STARD7: variants seen among roughly 807,000 people sequenced by gnomAD.
STARD7 encodes stAR-related lipid transfer protein 7, mitochondrial.
A neutral mutation model predicts 45.3 loss-of-function variants in STARD7; 30 were observed. That is an observed-to-expected ratio of 0.66 (90% CI 0.50 to 0.90). STARD7 has a LOEUF of 0.90. STARD7 is among the 40% of genes least tolerant of loss of function. STARD7 has a pLI of 0.00. For synonymous variants in STARD7, 199 were observed against 183.0 expected (o/e 1.09, Z -0.70); for missense variants, 495 against 491.3 (o/e 1.01, Z -0.07).
chr2:96,197,078 A>ACCT (rs1558735792), intron 1 of STARD7, among the ~76,000 whole-genome samples: 2 of 136,078 alleles, frequency 1.5e-5, no homozygotes, highest in Non-Finnish European at 3.2e-5. Flanking sequence ...AAATAAAATA[A>ACCT]AATAAAATAA....
At chr2:96,195,642 T>A in intron 1 of STARD7, 93 bp from the exon 2 acceptor site, 1 of 873,442 alleles carries the variant, frequency 1.1e-6, no homozygotes, top group Non-Finnish European at 1.8e-6. Context: ...GGTTATACAG[T>A]AAACCACAGT....
At chr2:96,192,999 G>A in intron 5 of STARD7, 79 bp downstream of exon 5, 1 of 1,036,596 alleles carries the variant, frequency 9.6e-7, no homozygotes. Context: ...AGGACACTAA[G>A]AATATACAAA....
chr2:96,203,652 G>T (rs1009459716), intron 1 of STARD7, among the ~76,000 whole-genome samples: 1 of 152,218 alleles, frequency 6.6e-6, no homozygotes, highest in East Asian at 1.9e-4. Context: ...CTACTGATAC[G>T]GGACACACCT....
chr2:96,197,366 T>C (rs1207358050), intron 1 of STARD7, among the ~76,000 whole-genome samples: 2 of 151,870 alleles, frequency 1.3e-5, no homozygotes, highest in South Asian at 2.1e-4. Flanking sequence ...GATCGCACCA[T>C]TGCACTCCAG....
intron 1 of STARD7, among the ~76,000 whole-genome samples, chr2:96,196,980 C>A (rs1018854197): frequency 6.6e-6 from 1 of 151,048 alleles, no homozygotes; most frequent in African/African-American, 2.4e-5. Flanking sequence ...GCAAGAGAAT[C>A]GCTTGAACAC....
In STARD7 at chr2:96,187,255, A is replaced by G. The variant is rs780170884; in HGVS notation, c.890T>C (p.Val297Ala). ...LLTYSDNPQT[V>A]FPRYCVSWMV... ...CCAACTAACACAGTAGCGAGGAAAC[A>G]CCGTTTGGGGATTGTCACTGTATGT... Residue 297 changes from valine (V) to alanine (A), a missense_variant, in exon 7 of 8, where the codon GTG becomes GCG. Transcript: ENST00000337288. 6.2e-7 allele frequency: 1 copy of G among 1,613,918 alleles called. No individual in the cohort carries two copies. The highest frequency in any genetic ancestry group is 1.7e-5 in the Admixed American group (1 of 60,018).
At chr2:96,197,070 A>ACACTACAC (rs1573943516) in intron 1 of STARD7, among the ~76,000 whole-genome samples, 1 of 96,396 alleles carries the variant, frequency 1.0e-5, no homozygotes, top group South Asian at 3.2e-4. Flanking sequence ...CCGTCTCAAA[A>ACACTACAC]TAAAATAAAA....
chr2:96,196,721 A>G (rs1573943235), intron 1 of STARD7, among the ~76,000 whole-genome samples: 1 of 151,998 alleles, frequency 6.6e-6, no homozygotes, highest in East Asian at 2.0e-4. Context: ...TCGGCCTCCC[A>G]AAGTTCTGGG....
Position 96,208,792 on chromosome 2 carries a change from C to T in STARD7, c.-358G>A. 5.0e-6 allele frequency: 2 copies of T among 403,356 alleles called. No homozygotes were observed. The allele number at this position is 403,356 out of a possible 1,614,324, so 25.0% of individuals were successfully genotyped here. Reference sequence around the variant, plus strand: ...AACGAGACAGACAGCTCAGGCCCAGCAGCACGCAAGCTCCCGCGCCTTCCG... The same window carrying T: ...AACGAGACAGACAGCTCAGGCCCAGTAGCACGCAAGCTCCCGCGCCTTCCG... On this transcript the variant is annotated 5_prime_UTR_variant, in exon 1 of 8. Transcript: ENST00000337288.
chr2:96,205,761 C>T lies in STARD7; in HGVS notation c.290+2384G>A, dbSNP rs921733988. Among the ~76,000 whole-genome samples, 8 of 152,186 alleles carry T rather than the reference C, an allele frequency of 5.3e-5. No homozygotes were observed. The South Asian group carries it at 1.5e-3, about 28-fold the overall frequency. Reference sequence around the variant, plus strand: ...CATGACAAGCTATCAAAACAAAGACCTAAGGAACCACTGTGCAACCAAGAT... The same window carrying T: ...CATGACAAGCTATCAAAACAAAGACTTAAGGAACCACTGTGCAACCAAGAT... On this transcript the variant is annotated intron_variant, in intron 1 of 7. Coordinates refer to ENST00000337288, the MANE Select transcript of STARD7 (RefSeq NM_020151.4).
In STARD7 at chr2:96,208,279, G is replaced by C. The variant is rs375475304; in HGVS notation, c.156C>G (p.Ser52Arg). 1 of 1,611,254 alleles carries C rather than the reference G, an allele frequency of 6.2e-7. No individual in the cohort carries two copies. Among genetic ancestry groups the C allele is most frequent in the Non-Finnish European group, 8.5e-7 (1 of 1,179,372 alleles). ...GGCGGCCGAGGAGAACGCGGCGTGA[G>C]CTCTCGGAGTAGAGGCGGCCGTAGA... ...AQLYGRLYSE[S>R]SRRVLLGRLW... is the part of the protein sequence containing the mutation. The change falls in exon 1 of 8, where the codon AGC becomes AGG. Residue 52 changes from serine (S) to arginine (R), a missense_variant. Ser to Arg is a moderately radical substitution (Grantham distance 110). Transcript: ENST00000337288.
chr2:96,190,331 G>A (rs1683105806), intron 6 of STARD7, among the ~76,000 whole-genome samples: 1 of 147,974 alleles, frequency 6.8e-6, no homozygotes, highest in Non-Finnish European at 1.5e-5. Flanking sequence ...ATTTAAGTCT[G>A]TGTCTTTTTT....
rs747311185 is a variant in STARD7 at position 96,193,124 on chromosome 2, G to A, written c.697C>T (p.Arg233Trp). 8 of 1,613,442 alleles carry A rather than the reference G, an allele frequency of 5.0e-6. No homozygotes were observed. Among genetic ancestry groups the A allele is most frequent in the South Asian group, 1.1e-5 (1 of 91,042 alleles). Residue 233 changes from arginine (R) to tryptophan (W), a missense_variant, in exon 5 of 8, where the codon CGG becomes TGG. Arg to Trp is a moderately radical substitution (Grantham distance 101). Around this residue, in one of 2 missense-constraint regions of STARD7, gnomAD observed 213 missense variants for 271.2 expected, o/e 0.79. Coordinates refer to ENST00000337288, the MANE Select transcript of STARD7 (RefSeq NM_020151.4). ...MYSRDYVYVR[R>W]YSVDQENNMM... is the part of the protein sequence containing the mutation. ...TTGTTTTCCTGATCCACACTATACC[G>A]CCGAACATAAACATAATCCCGTGAG... is the stretch of plus-strand genomic sequence containing the variant.
rs932459835 is a variant in STARD7 at position 96,186,749 on chromosome 2, G to C, written c.1094C>G (p.Ala365Gly). ...ERKNEGSCGP[A>G]RIEYA ...AGCCTGTCAAGCATACTCAATCCGA[G>C]CAGGGCCACAGCTGCCCTCGTTCTT... Residue 365 changes from alanine (A) to glycine (G), a missense_variant, in exon 8 of 8, where the codon GCT (alanine) becomes GGT (glycine). Transcript: ENST00000337288. 2 of 1,611,708 alleles carry C rather than the reference G, an allele frequency of 1.2e-6. No homozygotes were observed. Among genetic ancestry groups the C allele is most frequent in the Non-Finnish European group, 1.7e-6 (2 of 1,179,108 alleles).
intron 6 of STARD7, among the ~76,000 whole-genome samples, chr2:96,189,795 G>T (rs1683098283): frequency 6.6e-6 from 1 of 151,786 alleles, no homozygotes; most frequent in African/African-American, 2.4e-5. Context: ...TCGTATTATT[G>T]GTGATCTTAC....
Position 96,208,569 on chromosome 2 carries a change from C to G in STARD7, c.-135G>C, listed in dbSNP as rs7559215. On this transcript the variant is annotated 5_prime_UTR_variant, in exon 1 of 8. Coordinates refer to ENST00000337288, the MANE Select transcript of STARD7 (RefSeq NM_020151.4). Reference sequence around the variant, plus strand: ...TCACGGTCCCGCGGCCAGGAGCCGCCGCTCATCTGTCTCTGCAGCCACCGC... The same window carrying G: ...TCACGGTCCCGCGGCCAGGAGCCGCGGCTCATCTGTCTCTGCAGCCACCGC... 0.12 allele frequency: 87,421 copies of G among 723,912 alleles called. 6,982 individuals are homozygous for G. Among genetic ancestry groups the G allele is most frequent in the Non-Finnish European group, 0.14 (69,226 of 491,926 alleles). The allele number at this position is 723,912 out of a possible 1,614,324, so 44.8% of individuals were successfully genotyped here.
chr2:96,198,645 A>C (rs1683259966), intron 1 of STARD7, among the ~76,000 whole-genome samples: 1 of 152,040 alleles, frequency 6.6e-6, no homozygotes, highest in Non-Finnish European at 1.5e-5. Flanking sequence ...TAACCTTTTC[A>C]TGTGCTTATA....
Position 96,197,076 on chromosome 2 carries a change from T to C in STARD7, c.291-1527A>G, listed in dbSNP as rs530793412. ...AGCGAAACTCCGTCTCAAAATAAAATAAAATAAAATAAAATAAAATAAAAT... is the reference window on the plus strand; with the variant it reads ...AGCGAAACTCCGTCTCAAAATAAAACAAAATAAAATAAAATAAAATAAAAT... On this transcript the variant is annotated intron_variant, in intron 1 of 7. Transcript: ENST00000337288. 4.8e-3 allele frequency among the ~76,000 whole-genome samples: 562 copies of C among 117,986 alleles called. 11 individuals carry two copies. Among genetic ancestry groups the C allele is most frequent in the Non-Finnish European group, 6.9e-3 (391 of 56,748 alleles). The allele number at this position is 117,986 out of a possible 152,430, so 77.4% of individuals were successfully genotyped here.
intron 1 of STARD7, among the ~76,000 whole-genome samples, chr2:96,197,074 A>ATAACATAACATAACATAACATAAC (rs539093666): frequency 7.0e-5 from 9 of 128,186 alleles, no homozygotes; most frequent in South Asian, 2.6e-4. Flanking sequence ...CTCAAAATAA[A>ATAACATAACATAACATAACATAAC]ATAAAATAAA....
Sources: gnomAD v4.1 joint callset for allele counts (sites outside exome capture counted in the v4.1 genomes callset) on GRCh38, gnomAD v4.1.1 for gene constraint, gnomAD v4.1.1 regional missense constraint, MANE v1.5 for transcripts, NCBI Gene and HGNC (gene_info 2026-07-23, HGNC 2026-07-21) for gene names.